Variants in GNA14 observed in about 807,000 individuals in gnomAD.
The protein encoded by GNA14 is G protein subunit alpha 14.
In GNA14, 50 loss-of-function variants were observed where a neutral mutation model predicts 42.0. The ratio of observed to expected loss-of-function variants is 1.19; its 90% confidence interval spans 0.95 to 1.51. The LOEUF is 1.51. Ranked by LOEUF, GNA14 falls within the 40% of genes most tolerant of loss-of-function variation. The probability of loss-of-function intolerance (pLI) is 0.00; values close to 1 mark genes in which losing one functional copy is unlikely to be tolerated. For missense variants in GNA14, 473 were observed against 446.2 expected, an observed-to-expected ratio of 1.06 and a Z score of -0.54; for synonymous variants, 173 against 163.1, an observed-to-expected ratio of 1.06 and a Z score of -0.46.
At chr9:77,448,650 G>A (rs745716219) in intron 2 of GNA14, among the ~76,000 whole-genome samples, 50 of 152,110 alleles carry the variant, frequency 3.3e-4, no homozygotes, top group Non-Finnish European at 4.1e-4. Context: ...TACAAGTAGC[G>A]TACTGCTGCA....
chr9:77,504,819 C>A (rs1837040760), intron 2 of GNA14, among the ~76,000 whole-genome samples: 1 of 151,972 alleles, frequency 6.6e-6, no homozygotes, highest in South Asian at 2.1e-4. Flanking sequence ...AGGTGTGCAC[C>A]ACCACACCTG....
chr9:77,636,074 C>A (rs1824179735), intron 1 of GNA14, among the ~76,000 whole-genome samples: 1 of 152,166 alleles, frequency 6.6e-6, no homozygotes. Context: ...AATGGCTTAC[C>A]ACTAAATGGA....
In GNA14 at chr9:77,614,476, T is replaced by C. The variant is rs201341161; in HGVS notation, c.124+33194A>G. ...GCCCCATGCTGCATAATTTTGCCAC[T>C]GTATTAATTCAAATAAGCACAGTGA... On this transcript the variant is annotated intron_variant, in intron 1 of 6. Coordinates refer to ENST00000341700, the MANE Select transcript of GNA14 (RefSeq NM_004297.4). Among the ~76,000 whole-genome samples the C allele has an allele frequency of 7.2e-5, 11 of 152,330 alleles. No homozygotes were observed. In the East Asian group the frequency reaches 1.9e-3, roughly 27 times the overall value.
At chr9:77,551,120 G>A (rs58623805) in intron 1 of GNA14, among the ~76,000 whole-genome samples, 2,459 of 152,190 alleles carry the variant, frequency 0.016, 64 homozygotes, top group African/African-American at 0.056. Context: ...TGGCAGATTA[G>A]CTGAAAATTT....
chr9:77,468,975 T>C (rs991480263), intron 2 of GNA14, among the ~76,000 whole-genome samples: 3 of 152,212 alleles, frequency 2.0e-5, no homozygotes. Flanking sequence ...TTTTTGTGAA[T>C]TTCAGCAGCC....
intron 2 of GNA14, among the ~76,000 whole-genome samples, chr9:77,521,015 T>C (rs745686623): frequency 2.0e-5 from 3 of 152,232 alleles, no homozygotes; most frequent in Non-Finnish European, 4.4e-5. Context: ...TCCCATCTTA[T>C]TCTTTCCCAT....
At chr9:77,520,565 T>C (rs534759992) in intron 2 of GNA14, among the ~76,000 whole-genome samples, 1 of 152,154 alleles carries the variant, frequency 6.6e-6, no homozygotes, top group Non-Finnish European at 1.5e-5. Flanking sequence ...TGAATACTTA[T>C]TTATTTATTT....
intron 1 of GNA14, among the ~76,000 whole-genome samples, chr9:77,624,490 C>T (rs530957233): frequency 2.6e-5 from 4 of 152,268 alleles, no homozygotes; most frequent in South Asian, 2.1e-4. Flanking sequence ...CACCTCCCAG[C>T]GGGGGTCGAC....
At chr9:77,471,324 T>C (rs1836326297) in intron 2 of GNA14, among the ~76,000 whole-genome samples, 1 of 152,078 alleles carries the variant, frequency 6.6e-6, no homozygotes, top group African/African-American at 2.4e-5. Flanking sequence ...TGCTTGAAGG[T>C]TGGTCTTGCA....
At chr9:77,488,921 T>C (rs958526475) in intron 2 of GNA14, among the ~76,000 whole-genome samples, 5 of 151,664 alleles carry the variant, frequency 3.3e-5, no homozygotes, top group Admixed American at 6.6e-5. Context: ...CCTCCTGAAA[T>C]TGACAAAGCA....
At chr9:77,514,688 A>T (rs1203315122) in intron 2 of GNA14, among the ~76,000 whole-genome samples, 3 of 147,204 alleles carry the variant, frequency 2.0e-5, no homozygotes, top group African/African-American at 7.6e-5. Flanking sequence ...ATCTCGGCTC[A>T]CTGCAAGCTC....
At chr9:77,564,572 G>C (rs952190632) in intron 1 of GNA14, among the ~76,000 whole-genome samples, 33 of 151,618 alleles carry the variant, frequency 2.2e-4, no homozygotes, top group Non-Finnish European at 3.8e-4. Context: ...CTCATGCTTG[G>C]AGTCCCAGTC....
At chr9:77,579,913 C>T (rs1352435265) in intron 1 of GNA14, among the ~76,000 whole-genome samples, 3 of 152,222 alleles carry the variant, frequency 2.0e-5, no homozygotes, top group Non-Finnish European at 4.4e-5. Flanking sequence ...TGGGAGCACA[C>T]TTGAATCTAG....
intron 2 of GNA14, among the ~76,000 whole-genome samples, chr9:77,462,989 C>G (rs1476644397): frequency 2.6e-5 from 4 of 152,152 alleles, no homozygotes; most frequent in African/African-American, 9.7e-5. Context: ...TCTAAGATGT[C>G]TCCAACCCAA....
At chr9:77,603,970 A>AAAAAAAAAAAAC (rs1564064428) in intron 1 of GNA14, among the ~76,000 whole-genome samples, 2 of 149,918 alleles carry the variant, frequency 1.3e-5, no homozygotes, top group Admixed American at 6.6e-5. Flanking sequence ...AAAAAAAAAA[A>AAAAAAAAAAAAC]AAAAAAAAAA....
At chr9:77,452,576 GCATGT>G (rs1835924313) in intron 2 of GNA14, among the ~76,000 whole-genome samples, 3 of 132,084 alleles carry the variant, frequency 2.3e-5, no homozygotes, top group Admixed American at 7.4e-5. Context: ...GTGTGTATGT[GCATGT>G]GTATGTGTGT....
chr9:77,576,827 G>A (rs927599699), intron 1 of GNA14, among the ~76,000 whole-genome samples: 1 of 151,140 alleles, frequency 6.6e-6, no homozygotes, highest in Non-Finnish European at 1.5e-5. Context: ...CCCAATTTAT[G>A]AGTGTTATCA....
chr9:77,629,904 TTAAAA>T (rs1376296410), intron 1 of GNA14, among the ~76,000 whole-genome samples: 1 of 152,162 alleles, frequency 6.6e-6, no homozygotes, highest in East Asian at 1.9e-4. Context: ...AAGACAAACT[TTAAAA>T]TAAGTAAACA....
intron 2 of GNA14, among the ~76,000 whole-genome samples, chr9:77,435,354 C>A (rs534026513): frequency 2.0e-4 from 30 of 151,426 alleles, no homozygotes; most frequent in Admixed American, 1.9e-3. Context: ...GAGACTCTGT[C>A]TCCAAAAAAA....
Sources: allele counts gnomAD v4.1 joint callset (sites outside exome capture counted in the v4.1 genomes callset), GRCh38; gene constraint gnomAD v4.1.1; transcripts MANE v1.5; gene names NCBI Gene and HGNC (gene_info 2026-07-23, HGNC 2026-07-21).